FIP1L1: variants seen among roughly 807,000 people sequenced by gnomAD.
The protein encoded by FIP1L1 is factor interacting with PAPOLA and CPSF1.
A neutral mutation model predicts 84.6 loss-of-function variants in FIP1L1; 21 were observed. The observed-to-expected ratio is 0.25, with a 90% CI of 0.18 to 0.36. FIP1L1 has a LOEUF of 0.36. FIP1L1 is among the 10% of genes least tolerant of loss of function. FIP1L1 has a pLI of 1.00. For missense variants in FIP1L1, 526 were observed against 751.1 expected, an observed-to-expected ratio of 0.70 and a Z score of 3.50; for synonymous variants, 263 against 242.3, an observed-to-expected ratio of 1.09 and a Z score of -0.80.
intron 11 of FIP1L1, among the ~76,000 whole-genome samples, chr4:53,425,542 C>A (rs1001962686): frequency 6.6e-6 from 1 of 152,008 alleles, no homozygotes; most frequent in Non-Finnish European, 1.5e-5. Flanking sequence ...TTCCATTTGT[C>A]TAGCATTTGC....
chr4:53,438,844 T>G (rs574973433), intron 13 of FIP1L1, among the ~76,000 whole-genome samples: 1 of 152,304 alleles, frequency 6.6e-6, no homozygotes, highest in East Asian at 1.9e-4. Flanking sequence ...AATTTTTTAG[T>G]TTTTAGCATG....
In FIP1L1 at chr4:53,390,560, G is replaced by A; in HGVS notation, c.437G>A (p.Ser146Asn). The change falls in exon 7 of 18, where the codon AGC (serine) becomes AAC (asparagine). Residue 146 changes from serine to asparagine, a missense_variant. This residue lies in a region of FIP1L1 where 169 missense variants were observed against 206.9 expected (regional missense o/e 0.82). Coordinates refer to ENST00000337488, the MANE Select transcript of FIP1L1 (RefSeq NM_030917.4). ...GGAGTAGACCTTGATGCACCTGGAA[G>A]CATTAATGGAGTTCCACTCTTAGAG... ...VKGVDLDAPG[S>N]INGVPLLEVD... 6.2e-7 allele frequency: 1 copy of A among 1,613,400 alleles called. No homozygotes were observed. The highest frequency in any genetic ancestry group is 8.5e-7 in the Non-Finnish European group (1 of 1,179,504).
chr4:53,391,921 C>T (rs1254939714), intron 9 of FIP1L1, among the ~76,000 whole-genome samples: 1 of 152,118 alleles, frequency 6.6e-6, no homozygotes, highest in Non-Finnish European at 1.5e-5. Flanking sequence ...ACACTGATAT[C>T]ATTGGTGTAA....
intron 9 of FIP1L1, among the ~76,000 whole-genome samples, chr4:53,393,339 A>G (rs1745301351): frequency 6.6e-6 from 1 of 152,250 alleles, no homozygotes; most frequent in Non-Finnish European, 1.5e-5. Context: ...TGCTGCAAAT[A>G]GAATTTTTTC....
intron 16 of FIP1L1, among the ~76,000 whole-genome samples, chr4:53,453,568 GGAA>G (rs1717278360): frequency 1.3e-5 from 2 of 152,088 alleles, no homozygotes; most frequent in Admixed American, 1.3e-4. Context: ...CTCTTACATT[GGAA>G]GAAGATGCCA....
chr4:53,426,097 C>A, intron 12 of FIP1L1, 132 bp downstream of exon 12: 1 of 490,636 alleles, frequency 2.0e-6, no homozygotes, highest in Non-Finnish European at 3.5e-6. Context: ...AAATGTGAAG[C>A]CAGTCATTTA....
intron 10 of FIP1L1, among the ~76,000 whole-genome samples, chr4:53,402,024 A>C (rs1161152560): frequency 6.6e-6 from 1 of 152,224 alleles, no homozygotes; most frequent in Non-Finnish European, 1.5e-5. Context: ...TTAACTAGTA[A>C]GAGGAGACCA....
At chr4:53,408,145 T>G (rs1754822549) in intron 10 of FIP1L1, among the ~76,000 whole-genome samples, 1 of 152,208 alleles carries the variant, frequency 6.6e-6, no homozygotes, top group Non-Finnish European at 1.5e-5. Flanking sequence ...GTTGTTCCTT[T>G]CCAAGTTTAG....
intron 9 of FIP1L1, among the ~76,000 whole-genome samples, chr4:53,392,408 C>T (rs1041571149): frequency 1.3e-5 from 2 of 152,254 alleles, no homozygotes; most frequent in African/African-American, 2.4e-5. Flanking sequence ...CTACTGTACA[C>T]AGTTCTATAT....
At chr4:53,402,799 G>A (rs1440318526) in intron 10 of FIP1L1, among the ~76,000 whole-genome samples, 9 of 152,172 alleles carry the variant, frequency 5.9e-5, no homozygotes, top group Non-Finnish European at 1.2e-4. Flanking sequence ...GAGGAATGTC[G>A]TTTAATAAAG....
intron 13 of FIP1L1, among the ~76,000 whole-genome samples, chr4:53,431,429 T>G (rs1057450529): frequency 9.2e-5 from 14 of 152,240 alleles, no homozygotes; most frequent in Non-Finnish European, 1.5e-4. Context: ...TGTTTTTTGC[T>G]TTCTTCAAAA....
chr4:53,406,111 T>G (rs1753274560), intron 10 of FIP1L1, among the ~76,000 whole-genome samples: 1 of 152,120 alleles, frequency 6.6e-6, no homozygotes, highest in African/African-American at 2.4e-5. Context: ...ATGCTTCCAG[T>G]TTTTGCCCAT....
intron 15 of FIP1L1, among the ~76,000 whole-genome samples, chr4:53,451,751 ACT>A (rs909440620): frequency 2.0e-5 from 3 of 151,344 alleles, no homozygotes; most frequent in South Asian, 2.1e-4. Context: ...TTTAAAAAAA[ACT>A]CTGCTATTGA....
intron 5 of FIP1L1, among the ~76,000 whole-genome samples, chr4:53,387,277 A>G (rs1741602738): frequency 6.6e-6 from 1 of 152,252 alleles, no homozygotes; most frequent in Non-Finnish European, 1.5e-5. Context: ...AGCCTGGGCA[A>G]TATAGTAAGA....
intron 13 of FIP1L1, among the ~76,000 whole-genome samples, chr4:53,429,203 G>T (rs924527100): frequency 1.1e-4 from 16 of 152,122 alleles, no homozygotes; most frequent in African/African-American, 3.9e-4. Flanking sequence ...CTCTCAAAAA[G>T]TATGAGAAAA....
intron 15 of FIP1L1, among the ~76,000 whole-genome samples, chr4:53,449,153 G>A (rs1775415336): frequency 6.6e-6 from 1 of 151,594 alleles, no homozygotes; most frequent in Non-Finnish European, 1.5e-5. Flanking sequence ...TTATATAACA[G>A]CAAATTAAAT....
At chr4:53,417,236 T>C (rs545374297) in intron 11 of FIP1L1, among the ~76,000 whole-genome samples, 21 of 152,310 alleles carry the variant, frequency 1.4e-4, no homozygotes, top group Non-Finnish European at 2.9e-4. Context: ...CTAAAAAAGA[T>C]GCTCTGGAAA....
chr4:53,401,437 A>G (rs1750208821), intron 10 of FIP1L1, among the ~76,000 whole-genome samples: 1 of 152,368 alleles, frequency 6.6e-6, no homozygotes, highest in East Asian at 1.9e-4. Flanking sequence ...TACTAAAAAC[A>G]GACTACAGAG....
chr4:53,406,976 A>AT (rs1310383692), intron 10 of FIP1L1, among the ~76,000 whole-genome samples: 11 of 152,138 alleles, frequency 7.2e-5, no homozygotes, highest in South Asian at 2.1e-4. Context: ...GGATTCATTG[A>AT]TTTTTTGAAG....
Sources: allele counts gnomAD v4.1 joint callset (sites outside exome capture counted in the v4.1 genomes callset), GRCh38; gene constraint gnomAD v4.1.1; regional missense constraint gnomAD v4.1.1; transcripts MANE v1.5; gene names NCBI Gene and HGNC (gene_info 2026-07-23, HGNC 2026-07-21).